The following SCLT1 variants were observed in gnomAD, a reference collection of about 807,000 sequenced individuals.
SCLT1 encodes the protein sodium channel and clathrin linker 1.
SCLT1 carries 78 observed loss-of-function variants against 112.8 expected under a neutral mutation model. The observed-to-expected ratio is 0.69, with a 90% CI of 0.58 to 0.83. SCLT1 has a LOEUF of 0.83. Ranked by LOEUF, SCLT1 falls within the 40% of genes least tolerant of loss-of-function variation. The pLI, the probability that SCLT1 is intolerant of heterozygous loss-of-function variation, is 0.00. For missense variants in SCLT1, 747 were observed against 770.4 expected (o/e 0.97, Z 0.36); for synonymous variants, 257 against 254.7 (o/e 1.01, Z -0.09).
intron 2 of SCLT1, among the ~76,000 whole-genome samples, chr4:129,063,422 G>A (rs1362849410): frequency 6.6e-6 from 1 of 152,214 alleles, no homozygotes; most frequent in Non-Finnish European, 1.5e-5. Context: ...CATTAAACTA[G>A]GCTGGGTGTT....
At chr4:129,083,434 A>C (rs1171673373) in intron 1 of SCLT1, among the ~76,000 whole-genome samples, 1 of 145,886 alleles carries the variant, frequency 6.9e-6, no homozygotes, top group Non-Finnish European at 1.5e-5. Flanking sequence ...AGCACTATTA[A>C]GTTAGTATCA....
intron 18 of SCLT1, among the ~76,000 whole-genome samples, chr4:128,934,616 A>G (rs1737038430): frequency 6.6e-6 from 1 of 152,008 alleles, no homozygotes; most frequent in African/African-American, 2.4e-5. Flanking sequence ...TTTTTGATGT[A>G]ATTATAAATT....
intron 4 of SCLT1, 107 bp downstream of exon 4, chr4:129,043,288 G>A (rs1747874168): frequency 1.5e-6 from 1 of 673,172 alleles, no homozygotes; most frequent in Admixed American, 2.9e-5. Flanking sequence ...GTTAGTTACA[G>A]CAAATATTCT....
intron 9 of SCLT1, among the ~76,000 whole-genome samples, chr4:128,991,604 T>C (rs1161196228): frequency 6.6e-6 from 1 of 151,620 alleles, no homozygotes; most frequent in Non-Finnish European, 1.5e-5. Flanking sequence ...AATTGGAATA[T>C]ATAAGGAGCT....
At chr4:128,976,618 G>A (rs190806726) in intron 9 of SCLT1, among the ~76,000 whole-genome samples, 6 of 152,170 alleles carry the variant, frequency 3.9e-5, no homozygotes, top group Non-Finnish European at 7.4e-5. Flanking sequence ...TAATTATAGC[G>A]CTATAGTAAT....
intron 14 of SCLT1, chr4:128,952,444 T>A: frequency 2.1e-6 from 1 of 481,810 alleles, no homozygotes; most frequent in South Asian, 1.6e-5. Flanking sequence ...CTTCCCACTG[T>A]TATATATACT....
chr4:128,887,952 G>A (rs1273434855), intron 20 of SCLT1, among the ~76,000 whole-genome samples: 1 of 152,090 alleles, frequency 6.6e-6, no homozygotes, highest in African/African-American at 2.4e-5. Flanking sequence ...AAATCTGTTA[G>A]TGAATCTCTG....
chr4:128,948,428 G>A (rs1017732086), intron 15 of SCLT1, 68 bp downstream of exon 15: 2 of 1,557,590 alleles, frequency 1.3e-6, no homozygotes, highest in South Asian at 1.2e-5. Context: ...TGGCATGATG[G>A]AGGCAGACAG....
intron 10 of SCLT1, among the ~76,000 whole-genome samples, chr4:128,967,879 T>C (rs1274007810): frequency 1.3e-5 from 2 of 152,174 alleles, no homozygotes; most frequent in Non-Finnish European, 2.9e-5. Flanking sequence ...AATTTTTGCT[T>C]TTTGTTGGAA....
chr4:128,875,538 A>AAAC (rs1448162335), intron 4 of SCLT1, among the ~76,000 whole-genome samples: 1 of 152,246 alleles, frequency 6.6e-6, no homozygotes, highest in African/African-American at 2.4e-5. Context: ...TTTAAAGGCT[A>AAAC]AACTATAGTT....
chr4:129,035,847 ATT>A (rs35547438), intron 5 of SCLT1, among the ~76,000 whole-genome samples: 4 of 149,394 alleles, frequency 2.7e-5, no homozygotes, highest in Admixed American at 1.3e-4. Context: ...AATAATATGT[ATT>A]TTTTTTTTAC....
intron 9 of SCLT1, among the ~76,000 whole-genome samples, chr4:128,983,770 C>T (rs1372624317): frequency 6.6e-6 from 1 of 152,078 alleles, no homozygotes; most frequent in Non-Finnish European, 1.5e-5. Flanking sequence ...AACTTTTTTG[C>T]ACCACACTAT....
chr4:129,056,480 A>G (rs1749404321), intron 2 of SCLT1, among the ~76,000 whole-genome samples: 1 of 152,118 alleles, frequency 6.6e-6, no homozygotes, highest in Non-Finnish European at 1.5e-5. Context: ...TGAACATGGT[A>G]TGTATTTCTA....
At chr4:129,053,679 C>T (rs973772641) in intron 2 of SCLT1, among the ~76,000 whole-genome samples, 16 of 147,100 alleles carry the variant, frequency 1.1e-4, no homozygotes, top group Admixed American at 9.7e-4. Context: ...CTGAAGACAG[C>T]GGACTGATGG....
intron 2 of SCLT1, among the ~76,000 whole-genome samples, chr4:129,064,199 G>C (rs1750263093): frequency 6.6e-6 from 1 of 152,080 alleles, no homozygotes; most frequent in African/African-American, 2.4e-5. Flanking sequence ...TGAATTTTAA[G>C]AGTTCTATAT....
intron 13 of SCLT1, among the ~76,000 whole-genome samples, chr4:128,954,352 T>G (rs1020248399): frequency 2.0e-5 from 3 of 149,908 alleles, no homozygotes; most frequent in African/African-American, 7.4e-5. Context: ...AGAGTCTCGC[T>G]CTGTTGCCCA....
intron 2 of SCLT1, among the ~76,000 whole-genome samples, chr4:129,057,874 T>A (rs1749580645): frequency 6.6e-6 from 1 of 151,786 alleles, no homozygotes; most frequent in Non-Finnish European, 1.5e-5. Context: ...GCCTCAGTCA[T>A]CCAAGTAACT....
chr4:128,936,845 T>C lies in SCLT1; in HGVS notation c.1639A>G (p.Thr547Ala), dbSNP rs766021378. ...AQKKAKVKIS[T>A]MEHEFSIKER... Reference sequence around the variant, plus strand: ...TTTATTGAAAATTCATGTTCCATTGTACTGATCTAAAGAATAAAATGAAAA... The same window carrying C: ...TTTATTGAAAATTCATGTTCCATTGCACTGATCTAAAGAATAAAATGAAAA... Residue 547 changes from threonine to alanine, a missense_variant, in exon 18 of 21, where the codon ACA becomes GCA. By Grantham distance (58) the Thr-to-Ala change is moderately conservative. Transcript: ENST00000281142. 6.6e-7 allele frequency: 1 copy of C among 1,522,750 alleles called. No homozygotes were observed. The highest frequency in any genetic ancestry group is 2.3e-5 in the East Asian group (1 of 44,100). 94.3% of individuals were successfully genotyped at this position (1,522,750 alleles called of 1,614,324 possible).
At chr4:129,048,375 G>C (rs1355904402) in intron 2 of SCLT1, among the ~76,000 whole-genome samples, 2 of 150,910 alleles carry the variant, frequency 1.3e-5, no homozygotes, top group Non-Finnish European at 3.0e-5. Context: ...ACAAGCAATG[G>C]GGAAAGGATT....
Sources: allele counts gnomAD v4.1 joint callset (sites outside exome capture counted in the v4.1 genomes callset), GRCh38; gene constraint gnomAD v4.1.1; transcripts MANE v1.5; gene names NCBI Gene and HGNC (gene_info 2026-07-23, HGNC 2026-07-21).